LHPP: variants seen among roughly 807,000 people sequenced by gnomAD.
LHPP encodes hLHPP.
A neutral mutation model predicts 30.3 loss-of-function variants in LHPP; 24 were observed. That is an observed-to-expected ratio of 0.79 (90% CI 0.57 to 1.11). The LOEUF (loss-of-function observed/expected upper bound fraction) is 1.11. Among genes scored for constraint, LHPP ranks in the 50% most tolerant of loss-of-function variants. LHPP has a pLI of 0.00. For synonymous variants in LHPP, 150 were observed against 157.1 expected (o/e 0.95, Z 0.34); for missense variants, 356 against 367.2 (o/e 0.97, Z 0.25).
intron 5 of LHPP, among the ~76,000 whole-genome samples, chr10:124,509,999 A>G (rs955623458): frequency 6.6e-6 from 1 of 152,042 alleles, no homozygotes; most frequent in Non-Finnish European, 1.5e-5. Context: ...CGTAAGAGGG[A>G]GGATTGACTG....
intron 6 of LHPP, among the ~76,000 whole-genome samples, chr10:124,581,358 A>G (rs559506717): frequency 2.0e-5 from 3 of 152,296 alleles, no homozygotes; most frequent in South Asian, 2.1e-4. Flanking sequence ...TGCTGCTATA[A>G]GGATTCATGG....
chr10:124,508,648 T>C (rs1171740623), intron 5 of LHPP, among the ~76,000 whole-genome samples: 4 of 152,018 alleles, frequency 2.6e-5, no homozygotes, highest in African/African-American at 9.6e-5. Flanking sequence ...ATTTAAAATA[T>C]CTGATTATGA....
chr10:124,539,223 G>C (rs532244142), intron 6 of LHPP, among the ~76,000 whole-genome samples: 10 of 152,304 alleles, frequency 6.6e-5, no homozygotes, highest in African/African-American at 2.2e-4. Flanking sequence ...GAATGCTTAA[G>C]GGGAGGCAAT....
intron 5 of LHPP, chr10:124,498,855 C>T (rs1953817565): frequency 3.3e-6 from 1 of 303,518 alleles, no homozygotes. Flanking sequence ...GCTGGGACTA[C>T]AGGTATATGC....
chr10:124,471,400 AATATATATATTTATATATT>A (rs1441166309), intron 1 of LHPP, among the ~76,000 whole-genome samples: 2 of 68,694 alleles, frequency 2.9e-5, no homozygotes, highest in African/African-American at 1.0e-4. Flanking sequence ...ATATATATAT[AATATATATATTTATATATT>A]ATATATATAT....
chr10:124,481,854 C>T (rs1036521202), intron 1 of LHPP, among the ~76,000 whole-genome samples: 1 of 152,206 alleles, frequency 6.6e-6, no homozygotes, highest in Non-Finnish European at 1.5e-5. Context: ...CTGCCATCTC[C>T]TTGTCCGTCC....
intron 1 of LHPP, 27 bp downstream of exon 1, chr10:124,462,014 G>T: frequency 8.3e-7 from 1 of 1,202,314 alleles, no homozygotes; most frequent in Non-Finnish European, 1.0e-6. Flanking sequence ...ACGCCGCTGG[G>T]GCCGCCGAGC....
At position 124,461,834 on chromosome 10, in the gene LHPP, C is replaced by G; in HGVS notation, c.-29C>G. 2.4e-6 allele frequency: 3 copies of G among 1,229,436 alleles called. No homozygotes were observed. The highest frequency in any genetic ancestry group is 2.0e-6 in the Non-Finnish European group (2 of 983,076). 76.2% of individuals were successfully genotyped at this position (1,229,436 alleles called of 1,614,324 possible). On this transcript the variant is annotated 5_prime_UTR_variant, in exon 1 of 7. Transcript: ENST00000368842. ...GCGCCGGCGCCGGCGTCGGTTGGGA[C>G]GCGGAGCTGAGGAGCAGGGCCGGGC...
intron 1 of LHPP, among the ~76,000 whole-genome samples, chr10:124,477,397 C>T (rs1306155084): frequency 6.6e-6 from 1 of 152,150 alleles, no homozygotes; most frequent in African/African-American, 2.4e-5. Context: ...CTCCAGCACA[C>T]CAGGTGATGT....
chr10:124,515,931 T>A (rs1424827531), intron 5 of LHPP, among the ~76,000 whole-genome samples: 1 of 151,976 alleles, frequency 6.6e-6, no homozygotes, highest in Non-Finnish European at 1.5e-5. Context: ...GAGGGGACCC[T>A]CCACGATCTC....
chr10:124,515,808 G>A lies in LHPP; in HGVS notation c.625-1372G>A, dbSNP rs1304407601. Reference sequence around the variant, plus strand: ...CCAGCCTGGCTGGTGGGGACATAACGCAGTCCTGCGTGAGACACAGGCACC... The same window carrying A: ...CCAGCCTGGCTGGTGGGGACATAACACAGTCCTGCGTGAGACACAGGCACC... On this transcript the variant is annotated intron_variant, in intron 5 of 6. Coordinates refer to ENST00000368842, the MANE Select transcript of LHPP (RefSeq NM_022126.4). 2.6e-5 allele frequency among the ~76,000 whole-genome samples: 4 copies of A among 152,320 alleles called. No individual in the cohort carries two copies. In the East Asian group the frequency reaches 5.8e-4, roughly 22 times the overall value.
intron 5 of LHPP, among the ~76,000 whole-genome samples, chr10:124,512,464 A>G (rs1049473428): frequency 1.3e-4 from 20 of 151,778 alleles, no homozygotes; most frequent in African/African-American, 4.6e-4. Flanking sequence ...AAAATACAAA[A>G]CAAACAGCGG....
intron 5 of LHPP, among the ~76,000 whole-genome samples, chr10:124,499,307 A>C (rs1953832460): frequency 6.8e-6 from 1 of 147,284 alleles, no homozygotes; most frequent in Non-Finnish European, 1.5e-5. Flanking sequence ...GGCATGAGCC[A>C]CCAACACACA....
At chr10:124,472,934 A>G (rs1952831322) in intron 1 of LHPP, among the ~76,000 whole-genome samples, 2 of 152,194 alleles carry the variant, frequency 1.3e-5, no homozygotes, top group South Asian at 2.1e-4. Context: ...TCATAATAGA[A>G]TCACAAACTT....
At chr10:124,506,050 C>T (rs1192583409) in intron 5 of LHPP, among the ~76,000 whole-genome samples, 1 of 152,056 alleles carries the variant, frequency 6.6e-6, no homozygotes, top group Non-Finnish European at 1.5e-5. Context: ...TCGAGACCAG[C>T]CTGGGTAACA....
chr10:124,579,200 G>A (rs1007771755), intron 6 of LHPP, among the ~76,000 whole-genome samples: 2 of 152,242 alleles, frequency 1.3e-5, no homozygotes, highest in Admixed American at 6.5e-5. Context: ...CGGGCCGAGC[G>A]TTCTGAGCGC....
chr10:124,579,043 T>C (rs1047428020), intron 6 of LHPP, among the ~76,000 whole-genome samples: 1 of 152,226 alleles, frequency 6.6e-6, no homozygotes, highest in Non-Finnish European at 1.5e-5. Context: ...CCAGGCACAG[T>C]CACTGGGTCT....
At position 124,471,492 on chromosome 10, in the gene LHPP, ATATATATTTATATATTATATATATT is replaced by A. The variant is rs1564768063; in HGVS notation, c.125+9521_125+9545del. Among the ~76,000 whole-genome samples, 9 of 4,274 alleles carry A rather than the reference ATATATATTTATATATTATATATATT, an allele frequency of 2.1e-3. 1 individual carries two copies. Among genetic ancestry groups the A allele is most frequent in the Admixed American group, 6.3e-3 (1 of 160 alleles). 2.8% of individuals were successfully genotyped at this position (4,274 alleles called of 152,430 possible). On this transcript the variant is annotated intron_variant, in intron 1 of 6. Coordinates refer to ENST00000368842, the MANE Select transcript of LHPP (RefSeq NM_022126.4). Reference sequence around the variant, plus strand: ...ATATATTATATATATTTATATATTTATATATATTTATATATTATATATATTTATATATTTATATATATTTATATAT... The same window carrying A: ...ATATATTATATATATTTATATATTTATATATATTTATATATATTTATATAT...
intron 6 of LHPP, among the ~76,000 whole-genome samples, chr10:124,606,358 T>C (rs771233834): frequency 9.9e-5 from 15 of 152,122 alleles, no homozygotes; most frequent in Non-Finnish European, 2.1e-4. Context: ...CCTGCCCCGC[T>C]CAGTCCTGCC....
Sources: gnomAD v4.1 joint callset for allele counts (sites outside exome capture counted in the v4.1 genomes callset) on GRCh38, gnomAD v4.1.1 for gene constraint, MANE v1.5 for transcripts, NCBI Gene and HGNC (gene_info 2026-07-23, HGNC 2026-07-21) for gene names.